TTC39B: variants seen among roughly 807,000 people sequenced by gnomAD.
TTC39B encodes tetratricopeptide repeat protein 39B.
TTC39B carries 92 observed loss-of-function variants against 96.6 expected under a neutral mutation model. That is an observed-to-expected ratio of 0.95 (90% CI 0.80 to 1.13). The LOEUF is 1.13. TTC39B is among the 50% of genes most tolerant of loss of function. TTC39B has a pLI of 0.00. For synonymous variants in TTC39B, 367 were observed against 299.4 expected (o/e 1.23, Z -2.33); for missense variants, 955 against 809.3 (o/e 1.18, Z -2.18).
In TTC39B at chr9:15,203,804, C is replaced by G. The variant is rs769151172; in HGVS notation, c.759+19G>C. Reference sequence around the variant, plus strand: ...CAGTCTTCCCAGCCAATACGAATTCCAAGCCAAATATTCATTACCTGCACA... The same window carrying G: ...CAGTCTTCCCAGCCAATACGAATTCGAAGCCAAATATTCATTACCTGCACA... On this transcript the variant is annotated intron_variant, in intron 7 of 19. Coordinates refer to ENST00000512701, the Ensembl canonical transcript of TTC39B. 44 of 1,604,480 alleles carry G rather than the reference C, an allele frequency of 2.7e-5. No individual in the cohort carries two copies. The highest frequency in any genetic ancestry group is 3.3e-5 in the Non-Finnish European group (39 of 1,174,796).
chr9:15,290,099 T>C (rs1824129193), intron 1 of TTC39B, among the ~76,000 whole-genome samples: 1 of 152,230 alleles, frequency 6.6e-6, no homozygotes, highest in Non-Finnish European at 1.5e-5. Context: ...CTCCTGGTGA[T>C]TTTTAATTTT....
intron 8 of TTC39B, among the ~76,000 whole-genome samples, chr9:15,197,005 G>C (rs563304815): frequency 6.6e-5 from 10 of 152,344 alleles, no homozygotes; most frequent in African/African-American, 2.4e-4. Context: ...GCTGAAGGCT[G>C]AGATAATTGT....
intron 1 of TTC39B, among the ~76,000 whole-genome samples, chr9:15,284,064 T>A (rs1022788408): frequency 1.4e-4 from 22 of 152,104 alleles, no homozygotes; most frequent in African/African-American, 5.1e-4. Flanking sequence ...AATTACTATT[T>A]AGAATAAACA....
chr9:15,304,642 T>G lies in TTC39B; in HGVS notation c.240+2442A>C, dbSNP rs920495850. Among the ~76,000 whole-genome samples the G allele has an allele frequency of 2.6e-5, 4 of 152,052 alleles. No homozygotes were observed. The East Asian group carries it at 7.7e-4, about 29-fold the overall frequency. On this transcript the variant is annotated intron_variant, in intron 1 of 19. Coordinates refer to ENST00000512701, the Ensembl canonical transcript of TTC39B. ...CCCTTCTCCCAAAAGAAACTCCCTC[T>G]TCCCCAACCTCCCCCCCGACCCCTC...
chr9:15,272,000 A>C (rs1470769345), intron 1 of TTC39B, among the ~76,000 whole-genome samples: 2 of 152,214 alleles, frequency 1.3e-5, no homozygotes, highest in Admixed American at 6.5e-5. Flanking sequence ...TGTGGGGTCC[A>C]CGTGGAGGAT....
chr9:15,238,363 C>T lies in TTC39B; in HGVS notation c.276-12351G>A, dbSNP rs112178219. On this transcript the variant is annotated intron_variant, in intron 2 of 19. Coordinates refer to ENST00000512701, the Ensembl canonical transcript of TTC39B. ...GACATAATCATATACCTAGAAAGCC[C>T]CAAAGACTCCTCCCAAAAAGACAGA... Among the ~76,000 whole-genome samples the T allele has an allele frequency of 8.8e-3, 1,345 of 152,132 alleles. 19 individuals carry two copies. Among genetic ancestry groups the T allele is most frequent in the African/African-American group, 0.029 (1,223 of 41,494 alleles).
At chr9:15,293,448 A>T (rs1012512697) in intron 1 of TTC39B, among the ~76,000 whole-genome samples, 1 of 152,174 alleles carries the variant, frequency 6.6e-6, no homozygotes, top group Non-Finnish European at 1.5e-5. Context: ...TGTATGAAAA[A>T]GTTGGGAAGA....
At chr9:15,216,962 C>T (rs1586894415) in intron 3 of TTC39B, among the ~76,000 whole-genome samples, 1 of 152,190 alleles carries the variant, frequency 6.6e-6, no homozygotes, top group Non-Finnish European at 1.5e-5. Flanking sequence ...GAGGAGAAGG[C>T]CCAACATTAC....
chr9:15,202,510 G>A (rs1049293783), intron 7 of TTC39B, among the ~76,000 whole-genome samples: 1 of 152,042 alleles, frequency 6.6e-6, no homozygotes, highest in African/African-American at 2.4e-5. Context: ...TCAGGAGTTC[G>A]AGACCAGCCT....
chr9:15,227,173 G>A (rs759777485), intron 2 of TTC39B, among the ~76,000 whole-genome samples: 1 of 151,998 alleles, frequency 6.6e-6, no homozygotes, highest in African/African-American at 2.4e-5. Flanking sequence ...CAGGTATCGT[G>A]GCGCATGCCT....
chr9:15,214,048 G>T, intron 4 of TTC39B, 91 bp downstream of exon 4: 1 of 958,368 alleles, frequency 1.0e-6, no homozygotes, highest in Non-Finnish European at 1.6e-6. Context: ...TATTCAGATG[G>T]GAACAGCTAA....
chr9:15,166,982 T>TTTTATATATA (rs1387664027), exon 20 of TTC39B: 4 of 20,282 alleles, frequency 2.0e-4, no homozygotes, highest in African/African-American at 7.3e-4. Flanking sequence ...AACCTTTATT[T>TTTTATATATA]TATATATATA....
chr9:15,216,529 A>C (rs1238890181), intron 3 of TTC39B, among the ~76,000 whole-genome samples: 1 of 152,194 alleles, frequency 6.6e-6, no homozygotes, highest in African/African-American at 2.4e-5. Flanking sequence ...AAGATTTTTC[A>C]CAAGAAAGTT....
intron 3 of TTC39B, among the ~76,000 whole-genome samples, chr9:15,214,466 G>C (rs1262510117): frequency 6.6e-6 from 1 of 152,058 alleles, no homozygotes; most frequent in African/African-American, 2.4e-5. Context: ...GACTCTAGAG[G>C]AGACCTCTAC....
exon 20 of TTC39B, chr9:15,169,121 T>G (rs1242537804): frequency 2.0e-5 from 3 of 152,202 alleles, no homozygotes; most frequent in African/African-American, 7.2e-5. Context: ...GATTTTAGAC[T>G]GTTGGGTTTT....
At chr9:15,274,972 T>G (rs1823484899) in intron 1 of TTC39B, among the ~76,000 whole-genome samples, 1 of 152,092 alleles carries the variant, frequency 6.6e-6, no homozygotes, top group Non-Finnish European at 1.5e-5. Flanking sequence ...TCTCCAGGTG[T>G]AGGATTAATA....
intron 3 of TTC39B, among the ~76,000 whole-genome samples, chr9:15,222,789 T>C (rs1820919301): frequency 6.6e-6 from 1 of 152,162 alleles, no homozygotes; most frequent in African/African-American, 2.4e-5. Flanking sequence ...CCCTGTTCTG[T>C]TTTGATGACT....
chr9:15,267,050 A>G lies in TTC39B; in HGVS notation c.275+864T>C, dbSNP rs187496551. Reference sequence around the variant, plus strand: ...GCCGAGATCGTGCCACTGCACTCCAACCTGGGCGACAGAGCGAGACTCCGT... The same window carrying G: ...GCCGAGATCGTGCCACTGCACTCCAGCCTGGGCGACAGAGCGAGACTCCGT... On this transcript the variant is annotated intron_variant, in intron 2 of 19. Coordinates refer to ENST00000512701, the Ensembl canonical transcript of TTC39B. 4.6e-3 allele frequency among the ~76,000 whole-genome samples: 701 copies of G among 152,212 alleles called. 9 individuals are homozygous for G. The highest frequency in any genetic ancestry group is 0.016 in the African/African-American group (644 of 41,542).
At chr9:15,261,777 A>G (rs1373417913) in intron 2 of TTC39B, among the ~76,000 whole-genome samples, 2 of 152,168 alleles carry the variant, frequency 1.3e-5, no homozygotes, top group African/African-American at 2.4e-5. Flanking sequence ...TGGAATTCCC[A>G]AAACACAATA....
Sources: allele counts gnomAD v4.1 joint callset (sites outside exome capture counted in the v4.1 genomes callset), GRCh38; gene constraint gnomAD v4.1.1; transcripts MANE v1.5; gene names NCBI Gene and HGNC (gene_info 2026-07-23, HGNC 2026-07-21).